COL5A2: variants seen among roughly 807,000 people sequenced by gnomAD.
COL5A2 encodes the protein collagen type V alpha 2 chain.
Under a neutral mutation model 208.2 loss-of-function variants are expected in COL5A2, and 23 were observed. The observed-to-expected ratio is 0.11, with a 90% CI of 0.08 to 0.16. The LOEUF (loss-of-function observed/expected upper bound fraction) is 0.16, where lower values mean the gene tolerates loss of function less well. Among genes scored for constraint, COL5A2 ranks in the 10% least tolerant of loss-of-function variants. COL5A2 has a pLI of 1.00. For synonymous variants in COL5A2, 625 were observed against 628.5 expected, an observed-to-expected ratio of 0.99 and a Z score of 0.08; for missense variants, 1,590 against 1,956.4, an observed-to-expected ratio of 0.81 and a Z score of 3.53.
chr2:189,407,792 T>C, the COL5A2 span, among the ~76,000 whole-genome samples: 1 of 152,210 alleles, frequency 6.6e-6, no homozygotes, highest in Non-Finnish European at 1.5e-5. Flanking sequence ...TCTGTTGTAC[T>C]GAACAAAACC....
the COL5A2 span, chr2:189,311,991 T>C: frequency 5.3e-6 from 4 of 748,576 alleles, no homozygotes; most frequent in East Asian, 2.5e-5. Flanking sequence ...GTGGAGCCCA[T>C]GGATGTCACT....
intron 1 of COL5A2, 111 bp downstream of exon 1, chr2:189,179,397 C>A: frequency 7.9e-7 from 1 of 1,263,504 alleles, no homozygotes; most frequent in African/African-American, 1.5e-5. Flanking sequence ...CAGCCCCCTT[C>A]TCAAACTTCA....
At chr2:189,144,911 T>A (rs1294619101) in intron 1 of COL5A2, among the ~76,000 whole-genome samples, 1 of 152,136 alleles carries the variant, frequency 6.6e-6, no homozygotes, top group Non-Finnish European at 1.5e-5. Context: ...GCCAAATTAA[T>A]AAGATGAGAG....
chr2:189,311,570 TC>T, the COL5A2 span: 3 of 1,241,296 alleles, frequency 2.4e-6, no homozygotes, highest in Non-Finnish European at 3.4e-6. Flanking sequence ...GTAGTGGGCC[TC>T]CACCTCCCTC....
At chr2:189,259,819 C>T in the COL5A2 span, among the ~76,000 whole-genome samples, 1 of 152,076 alleles carries the variant, frequency 6.6e-6, no homozygotes, top group Non-Finnish European at 1.5e-5. Context: ...ACTAGGGTCC[C>T]TATCAGGGGA....
At chr2:189,286,728 T>C in the COL5A2 span, among the ~76,000 whole-genome samples, 3 of 152,208 alleles carry the variant, frequency 2.0e-5, no homozygotes, top group South Asian at 2.1e-4. Flanking sequence ...GAGCAAAATG[T>C]AGTTTTTAAA....
chr2:189,041,047 T>C (rs1685550199), intron 50 of COL5A2, among the ~76,000 whole-genome samples: 1 of 152,188 alleles, frequency 6.6e-6, no homozygotes, highest in African/African-American at 2.4e-5. Flanking sequence ...CACCTGTGCA[T>C]GGAAGATGTA....
the COL5A2 span, among the ~76,000 whole-genome samples, chr2:189,337,795 A>G: frequency 6.7e-6 from 1 of 148,196 alleles, no homozygotes; most frequent in Non-Finnish European, 1.5e-5. Context: ...TCCTGCCAAT[A>G]TGAGATTAGA....
rs76765485 is a variant in COL5A2, at chr2:189,122,938, T to C, written c.98-12489A>G. Among the ~76,000 whole-genome samples the C allele has an allele frequency of 5.6e-3, 850 of 150,498 alleles. 3 individuals carry two copies. Among genetic ancestry groups the C allele is most frequent in the Middle Eastern group, 0.01 (3 of 292 alleles). On this transcript the variant is annotated intron_variant, in intron 1 of 53. Transcript: ENST00000374866. Reference sequence around the variant, plus strand: ...ACACTAGGTAGAAAATACGAAGGGTTTGATGAAGTTTGGGTGGGATAAAGT... The same window carrying C: ...ACACTAGGTAGAAAATACGAAGGGTCTGATGAAGTTTGGGTGGGATAAAGT...
intron 1 of COL5A2, among the ~76,000 whole-genome samples, chr2:189,192,508 A>C (rs1688943961): frequency 6.6e-6 from 1 of 152,172 alleles, no homozygotes; most frequent in Non-Finnish European, 1.5e-5. Flanking sequence ...AATATTTCCA[A>C]GTATTGTTAC....
At chr2:189,038,491 C>T (rs1410477957) in intron 51 of COL5A2, among the ~76,000 whole-genome samples, 2 of 152,120 alleles carry the variant, frequency 1.3e-5, no homozygotes, top group African/African-American at 2.4e-5. Context: ...GTGATGAATA[C>T]ATGAATTCAT....
At chr2:189,125,854 G>A (rs1687597933) in intron 1 of COL5A2, among the ~76,000 whole-genome samples, 1 of 151,984 alleles carries the variant, frequency 6.6e-6, no homozygotes, top group African/African-American at 2.4e-5. Context: ...AGAGACAACT[G>A]TATTCAACAT....
the COL5A2 span, among the ~76,000 whole-genome samples, chr2:189,283,063 T>C: frequency 6.6e-6 from 1 of 152,114 alleles, no homozygotes; most frequent in Non-Finnish European, 1.5e-5. Context: ...TTTCCTCCTG[T>C]GGCAACAAAA....
chr2:189,069,681 A>G (rs1443032178), intron 18 of COL5A2, among the ~76,000 whole-genome samples: 2 of 152,226 alleles, frequency 1.3e-5, no homozygotes, highest in Non-Finnish European at 2.9e-5. Context: ...AGTTTTCCAA[A>G]TCTGTGAAAC....
chr2:189,361,372 T>C, the COL5A2 span, among the ~76,000 whole-genome samples: 1 of 152,156 alleles, frequency 6.6e-6, no homozygotes, highest in African/African-American at 2.4e-5. Context: ...GCCTTCTTTG[T>C]CTTTTTTATC....
At chr2:189,184,041 G>T (rs1350201537), upstream of COL5A2, among the ~76,000 whole-genome samples, 1 of 152,138 alleles carries the variant, frequency 6.6e-6, no homozygotes, top group Non-Finnish European at 1.5e-5. Context: ...GAACAACACA[G>T]ACAAGGTCCC....
the COL5A2 span, among the ~76,000 whole-genome samples, chr2:189,373,126 A>G: frequency 6.6e-6 from 1 of 152,148 alleles, no homozygotes; most frequent in East Asian, 1.9e-4. Flanking sequence ...GGCAAAATTC[A>G]TTTCTGTATT....
At chr2:189,058,676 T>C (rs569994889) in intron 32 of COL5A2, 149 bp from the exon 33 acceptor site, 2 of 941,648 alleles carry the variant, frequency 2.1e-6, no homozygotes, top group African/African-American at 3.3e-5. Context: ...AGAAATAAAT[T>C]TGAAGTAAGG....
chr2:189,419,963 AGAGGAGAGGAGAGGAGGAAGAGGAG>A, the COL5A2 span, among the ~76,000 whole-genome samples: 1 of 143,936 alleles, frequency 6.9e-6, no homozygotes, highest in Non-Finnish European at 1.5e-5. Flanking sequence ...AGGTGAGAGG[AGAGGAGAGGAGAGGAGGAAGAGGAG>A]GAGGAGAGGA....
Sources: allele counts gnomAD v4.1 joint callset (sites outside exome capture counted in the v4.1 genomes callset), GRCh38; gene constraint gnomAD v4.1.1; transcripts MANE v1.5; gene names NCBI Gene and HGNC (gene_info 2026-07-23, HGNC 2026-07-21).